The following ABCA13 variants were observed in gnomAD, a reference collection of about 807,000 sequenced individuals.
The protein encoded by ABCA13 is ATP-binding cassette sub-family A member 13.
ABCA13 carries 476 observed loss-of-function variants against 478.7 expected under a neutral mutation model. The observed-to-expected ratio is 0.99, with a 90% CI of 0.92 to 1.07. The LOEUF is 1.07. Ranked by LOEUF, ABCA13 falls within the 50% of genes least tolerant of loss-of-function variation. The probability of loss-of-function intolerance (pLI) is 0.00; values close to 1 mark genes in which losing one functional copy is unlikely to be tolerated. For synonymous variants in ABCA13, 2,252 were observed against 2,158.9 expected (o/e 1.04, Z -1.20); for missense variants, 6,060 against 5,910.6 (o/e 1.03, Z -0.83).
intron 42 of ABCA13, among the ~76,000 whole-genome samples, chr7:48,438,554 T>A (rs1411973243): frequency 2.1e-5 from 3 of 144,198 alleles, no homozygotes; most frequent in African/African-American, 7.7e-5. Flanking sequence ...CAGAAGGTTC[T>A]GTAATCACAT....
intron 1 of ABCA13, among the ~76,000 whole-genome samples, chr7:48,178,216 G>C (rs1009774917): frequency 6.6e-6 from 1 of 152,106 alleles, no homozygotes; most frequent in African/African-American, 2.4e-5. Flanking sequence ...TGATTAAATA[G>C]ACAACCAAAT....
chr7:48,518,422 A>G (rs372680578), intron 52 of ABCA13, among the ~76,000 whole-genome samples: 5 of 152,186 alleles, frequency 3.3e-5, no homozygotes, highest in African/African-American at 9.7e-5. Context: ...TCCATATCCA[A>G]AGAGGAAGCT....
At chr7:48,405,915 A>C (rs1307075066) in intron 39 of ABCA13, among the ~76,000 whole-genome samples, 1 of 152,204 alleles carries the variant, frequency 6.6e-6, no homozygotes, top group Non-Finnish European at 1.5e-5. Context: ...CAAAATCAAT[A>C]GTATGTAAGC....
intron 51 of ABCA13, 74 bp downstream of exon 51, chr7:48,511,273 A>T: frequency 1.6e-6 from 2 of 1,231,016 alleles, no homozygotes; most frequent in African/African-American, 3.0e-5. Context: ...ATGGCTTTGA[A>T]CCTGCTGTCG....
Position 48,278,492 on chromosome 7 carries a change from C to G in ABCA13, c.7298C>G (p.Ser2433Cys). The G allele has an allele frequency of 6.2e-7, 1 of 1,613,958 alleles. No individual in the cohort carries two copies. Residue 2433 changes from serine (S) to cysteine (C), a missense_variant, in exon 18 of 62, where the codon TCT becomes TGT. Ser to Cys is a moderately radical substitution (Grantham distance 112). Around this residue, in one of 3 missense-constraint regions of ABCA13, gnomAD observed 4,423 missense variants for 4,309.1 expected, o/e 1.03. Coordinates refer to ENST00000435803, the MANE Select transcript of ABCA13 (RefSeq NM_152701.5). ...MARLLDTILH[S>C]PNKDFYALYP... The stretch of plus-strand genomic sequence containing the variant: ...AGACTTCTGGATACAATTTTACACT[C>G]TCCTAATAAGGACTTCTATGCTTTG...
In ABCA13 at chr7:48,574,344, G is replaced by C. The variant is rs992708227; in HGVS notation, c.14355-5880G>C. 2.0e-5 allele frequency among the ~76,000 whole-genome samples: 3 copies of C among 152,078 alleles called. No individual in the cohort carries two copies. The South Asian group carries it at 6.2e-4, about 31-fold the overall frequency. ...TTTTTACATTTCCGGAGGCTTCACTGTTCAATGGCCCTGACTGAAAGCCAC... is the reference window on the plus strand; with the variant it reads ...TTTTTACATTTCCGGAGGCTTCACTCTTCAATGGCCCTGACTGAAAGCCAC... On this transcript the variant is annotated intron_variant, in intron 55 of 61. Transcript: ENST00000435803.
chr7:48,569,523 C>CTTGT (rs376583758), intron 55 of ABCA13, among the ~76,000 whole-genome samples: 2 of 151,736 alleles, frequency 1.3e-5, no homozygotes, highest in African/African-American at 4.8e-5. Flanking sequence ...TTTTTGTTTG[C>CTTGT]TTGTTTGTTT....
chr7:48,645,603 C>A lies in ABCA13; in HGVS notation c.*91C>A. ...AACAAGCACGCGCACAATCAAGGAG[C>A]TGGAACACACTCTCCAGGCCGTCAA... On this transcript the variant is annotated 3_prime_UTR_variant, in exon 62 of 62. Transcript: ENST00000435803. 1 of 995,938 alleles carries A rather than the reference C, an allele frequency of 1.0e-6. No individual in the cohort carries two copies. Among genetic ancestry groups the A allele is most frequent in the Non-Finnish European group, 1.5e-6 (1 of 663,628 alleles). 61.7% of individuals were successfully genotyped at this position (995,938 alleles called of 1,614,324 possible). A position where few individuals can be genotyped will look rare whatever the true frequency, so the allele number is the denominator to read the frequency against.
chr7:48,367,527 G>T (rs577724151), intron 31 of ABCA13, among the ~76,000 whole-genome samples: 1 of 152,306 alleles, frequency 6.6e-6, no homozygotes, highest in Non-Finnish European at 1.5e-5. Flanking sequence ...TCTGCCTATG[G>T]CAGGTGTCAG....
chr7:48,553,786 T>C (rs1407278104), intron 55 of ABCA13, among the ~76,000 whole-genome samples: 1 of 152,080 alleles, frequency 6.6e-6, no homozygotes, highest in Non-Finnish European at 1.5e-5. Context: ...TGGTTATTTC[T>C]TTTCCAGTGC....
chr7:48,286,667 GTTAA>G (rs1473422233), intron 19 of ABCA13, among the ~76,000 whole-genome samples: 1 of 151,918 alleles, frequency 6.6e-6, no homozygotes, highest in Non-Finnish European at 1.5e-5. Context: ...ACCATGCCCG[GTTAA>G]TTTTTGTATT....
At chr7:48,580,123 TA>T in intron 55 of ABCA13, 100 bp from the exon 56 acceptor site, 1 of 1,230,814 alleles carries the variant, frequency 8.1e-7, no homozygotes, top group East Asian at 2.6e-5. Context: ...TTGTTTTAAA[TA>T]AACTGCAGTG....
In ABCA13 at chr7:48,581,570, T is replaced by C. The variant is rs1044203430; in HGVS notation, c.14505+1196T>C. Among the ~76,000 whole-genome samples, 5 of 152,330 alleles carry C rather than the reference T, an allele frequency of 3.3e-5. 1 individual carries two copies. Among genetic ancestry groups the C allele is most frequent in the Admixed American group, 3.3e-4 (5 of 15,298 alleles). On this transcript the variant is annotated intron_variant, in intron 56 of 61. Coordinates refer to ENST00000435803, the MANE Select transcript of ABCA13 (RefSeq NM_152701.5). Reference sequence around the variant, plus strand: ...AAAGAGGCGGGTGCTTGGCAAAGGCTTTAAGCTGGCACTTTTGTTTTTCGA... The same window carrying C: ...AAAGAGGCGGGTGCTTGGCAAAGGCCTTAAGCTGGCACTTTTGTTTTTCGA...
intron 15 of ABCA13, among the ~76,000 whole-genome samples, chr7:48,263,276 A>G (rs1773623286): frequency 6.6e-6 from 1 of 151,950 alleles, no homozygotes; most frequent in African/African-American, 2.4e-5. Flanking sequence ...TACATTCTTT[A>G]TTTCCTCCTT....
chr7:48,475,882 T>TA lies in ABCA13; in HGVS notation c.12975+4286dup, dbSNP rs201530653. The stretch of plus-strand genomic sequence containing the variant: ...GGAAGCGACACCGTTAGAAAAGGCT[T>TA]AAAGGGGAACAGGAATTGAGCTAAC... On this transcript the variant is annotated intron_variant, in intron 45 of 61. Transcript: ENST00000435803. Among the ~76,000 whole-genome samples, 574 of 152,176 alleles carry TA rather than the reference T, an allele frequency of 3.8e-3. 6 individuals carry two copies. The highest frequency in any genetic ancestry group is 0.01 in the Admixed American group (155 of 15,286).
chr7:48,228,380 C>T (rs1396445215), intron 6 of ABCA13, among the ~76,000 whole-genome samples: 1 of 152,186 alleles, frequency 6.6e-6, no homozygotes, highest in African/African-American at 2.4e-5. Context: ...ATGGTCAAGC[C>T]TCTTTTCTGG....
At chr7:48,242,714 C>T (rs1791036043) in intron 10 of ABCA13, among the ~76,000 whole-genome samples, 2 of 152,208 alleles carry the variant, frequency 1.3e-5, no homozygotes, top group Non-Finnish European at 1.5e-5. Flanking sequence ...GCCGGAATTC[C>T]AGGCGTGAGC....
At position 48,278,815 on chromosome 7, in the gene ABCA13, A is replaced by T. The variant is rs1393784327; in HGVS notation, c.7621A>T (p.Lys2541Ter). ...KVSGKMSTVF[K>*]THFISNTKDS... is the part of the protein sequence containing the mutation. ...TTCGGGGAAGATGTCCACAGTTTTTAAAACTCATTTTATCTCCAATACCAA... is the reference window on the plus strand; with the variant it reads ...TTCGGGGAAGATGTCCACAGTTTTTTAAACTCATTTTATCTCCAATACCAA... Residue 2541 changes from lysine (K) to a stop codon, truncating the protein, a stop_gained, in exon 18 of 62, where the codon AAA becomes TAA. Transcript: ENST00000435803. LOFTEE classifies it high-confidence loss of function. 1 of 1,613,898 alleles carries T rather than the reference A, an allele frequency of 6.2e-7. No individual in the cohort carries two copies. Among genetic ancestry groups the T allele is most frequent in the Admixed American group, 1.7e-5 (1 of 60,020 alleles).
chr7:48,300,110 T>C (rs2128850936), intron 23 of ABCA13, among the ~76,000 whole-genome samples: 1 of 152,372 alleles, frequency 6.6e-6, no homozygotes, highest in South Asian at 2.1e-4. Context: ...TTGTTTTTTC[T>C]AGATTGTCAG....
Sources: allele counts gnomAD v4.1 joint callset (sites outside exome capture counted in the v4.1 genomes callset), GRCh38; gene constraint gnomAD v4.1.1; regional missense constraint gnomAD v4.1.1; transcripts MANE v1.5; gene names NCBI Gene and HGNC (gene_info 2026-07-23, HGNC 2026-07-21).